The following PTPN14 variants were observed in gnomAD, a reference collection of about 807,000 sequenced individuals.
PTPN14 encodes the protein tyrosine-protein phosphatase non-receptor type 14.
Under a neutral mutation model 126.8 loss-of-function variants are expected in PTPN14, and 53 were observed. The ratio of observed to expected loss-of-function variants is 0.42; its 90% confidence interval spans 0.34 to 0.53. The LOEUF is 0.53. Ranked by LOEUF, PTPN14 falls within the 20% of genes least tolerant of loss-of-function variation. The probability of loss-of-function intolerance (pLI) is 0.08; values close to 1 mark genes in which losing one functional copy is unlikely to be tolerated. For synonymous variants in PTPN14, 630 were observed against 599.3 expected, an observed-to-expected ratio of 1.05 and a Z score of -0.75; for missense variants, 1,257 against 1,552.9, an observed-to-expected ratio of 0.81 and a Z score of 3.20.
intron 1 of PTPN14, among the ~76,000 whole-genome samples, chr1:214,534,227 C>T (rs374523944): frequency 1.3e-5 from 2 of 152,160 alleles, no homozygotes; most frequent in East Asian, 3.8e-4. Context: ...GTAACAAGAT[C>T]TACAAGCAAT....
chr1:214,545,601 G>A (rs1045100559), intron 1 of PTPN14, among the ~76,000 whole-genome samples: 2 of 152,282 alleles, frequency 1.3e-5, no homozygotes, highest in East Asian at 1.9e-4. Context: ...TAAGGATGGA[G>A]GGAAAGGAGC....
At chr1:214,370,117 A>G (rs1658181879) in intron 16 of PTPN14, among the ~76,000 whole-genome samples, 1 of 152,128 alleles carries the variant, frequency 6.6e-6, no homozygotes, top group Admixed American at 6.5e-5. Context: ...CATCTCTACT[A>G]AAAATACAAA....
intron 2 of PTPN14, among the ~76,000 whole-genome samples, chr1:214,462,591 C>A (rs1660537514): frequency 6.6e-6 from 1 of 152,244 alleles, no homozygotes. Flanking sequence ...AACTCTTTCA[C>A]TCTCACCAGC....
chr1:214,464,333 T>A (rs999694602), intron 2 of PTPN14, among the ~76,000 whole-genome samples: 1 of 151,870 alleles, frequency 6.6e-6, no homozygotes, highest in Non-Finnish European at 1.5e-5. Context: ...AGAGAGAAGA[T>A]GACTTTGGTG....
intron 1 of PTPN14, among the ~76,000 whole-genome samples, chr1:214,496,790 T>C (rs1654527365): frequency 6.6e-6 from 1 of 152,172 alleles, no homozygotes; most frequent in Admixed American, 6.5e-5. Context: ...TTGATCTATA[T>C]TCCACAGAAC....
intron 8 of PTPN14, 131 bp from the exon 9 acceptor site, chr1:214,395,117 GTTCT>G (rs1571971849): frequency 2.4e-6 from 2 of 828,132 alleles, no homozygotes; most frequent in Non-Finnish European, 4.0e-6. Flanking sequence ...TAAGTGAAAT[GTTCT>G]TTCAAACGAG....
intron 1 of PTPN14, among the ~76,000 whole-genome samples, chr1:214,500,826 G>A (rs899249929): frequency 6.6e-6 from 1 of 152,140 alleles, no homozygotes; most frequent in African/African-American, 2.4e-5. Flanking sequence ...AACATCTGTG[G>A]GGCATGTGGA....
chr1:214,531,896 T>C (rs1247017245), intron 1 of PTPN14: 1 of 152,250 alleles, frequency 6.6e-6, no homozygotes. Context: ...CTGAAAACCA[T>C]GGAATTAAAG....
chr1:214,384,000 G>A lies in PTPN14; in HGVS notation c.1855C>T (p.Gln619Ter). 1 of 1,608,512 alleles carries A rather than the reference G, an allele frequency of 6.2e-7. No homozygotes were observed. Among genetic ancestry groups the A allele is most frequent in the Non-Finnish European group, 8.5e-7 (1 of 1,179,602 alleles). Residue 619 changes from glutamine to a stop codon, truncating the protein, a stop_gained, in exon 13 of 19, where the codon CAG becomes TAG. Transcript: ENST00000366956. LOFTEE classifies it high-confidence loss of function. This position sits in a 1 kb window ranked among gnomAD's most constrained non-coding sequence, Gnocchi z 4.4. ...GGCTCGCTCACCTCCTGGAGAGACT[G>A]ATGAACCACCGGAGAGCTGTCCTCT... ...FQEDSSPVVHQSLQEVSEPLT... is the reference protein window; with the variant it reads ...FQEDSSPVVH
intron 1 of PTPN14, among the ~76,000 whole-genome samples, chr1:214,484,216 C>T (rs1194850272): frequency 6.6e-6 from 1 of 152,156 alleles, no homozygotes; most frequent in Non-Finnish European, 1.5e-5. Context: ...CCAGCCTGAT[C>T]AACACAGTAT....
intron 6 of PTPN14, 95 bp from the exon 7 acceptor site, chr1:214,401,867 C>T: frequency 9.8e-7 from 1 of 1,022,594 alleles, no homozygotes; most frequent in Non-Finnish European, 1.5e-6. Context: ...TGTGGTTTAG[C>T]TCTAGTTTCT....
chr1:214,548,251 G>A (rs1387205849), intron 1 of PTPN14, among the ~76,000 whole-genome samples: 1 of 152,108 alleles, frequency 6.6e-6, no homozygotes, highest in Non-Finnish European at 1.5e-5. Context: ...CCCAAACCTG[G>A]ACCGCCTGCT....
chr1:214,364,458 G>T lies in PTPN14; in HGVS notation c.3435+54C>A, dbSNP rs1658026601. 4.4e-6 allele frequency: 7 copies of T among 1,590,482 alleles called. No individual in the cohort carries two copies. The highest frequency in any genetic ancestry group is 6.0e-6 in the Non-Finnish European group (7 of 1,166,374). On this transcript the variant is annotated intron_variant, in intron 18 of 18. Transcript: ENST00000366956. This position sits in a 1 kb window ranked among gnomAD's most constrained non-coding sequence, Gnocchi z 4.1. ...GGGTGCAGGCAAAGGTTTGGCCAGGGTGTAGACTTGTCCCCAAGGTGGAGT... is the reference window on the plus strand; with the variant it reads ...GGGTGCAGGCAAAGGTTTGGCCAGGTTGTAGACTTGTCCCCAAGGTGGAGT...
intron 4 of PTPN14, 66 bp from the exon 5 acceptor site, chr1:214,411,817 G>A (rs1412506465): frequency 2.0e-6 from 2 of 993,356 alleles, no homozygotes; most frequent in African/African-American, 3.3e-5. Context: ...ATAAAATAGG[G>A]CAAACTCATC....
chr1:214,502,699 T>C (rs1654736990), intron 1 of PTPN14, among the ~76,000 whole-genome samples: 1 of 152,120 alleles, frequency 6.6e-6, no homozygotes, highest in Admixed American at 6.5e-5. Context: ...GAAAAAATGT[T>C]GAAGACTTGG....
chr1:214,514,882 T>C (rs1032470133), intron 1 of PTPN14, among the ~76,000 whole-genome samples: 1 of 152,146 alleles, frequency 6.6e-6, no homozygotes, highest in African/African-American at 2.4e-5. Flanking sequence ...AAACCCAGCA[T>C]GTGGACCAGA....
At chr1:214,361,397 G>T (rs1657952869) in intron 18 of PTPN14, among the ~76,000 whole-genome samples, 1 of 152,134 alleles carries the variant, frequency 6.6e-6, no homozygotes, top group South Asian at 2.1e-4. Flanking sequence ...GAGCCTAAAT[G>T]ACAGTATATT....
intron 3 of PTPN14, among the ~76,000 whole-genome samples, chr1:214,442,644 A>G (rs1345290184): frequency 1.3e-5 from 2 of 152,176 alleles, no homozygotes; most frequent in African/African-American, 4.8e-5. Context: ...ACAAAAGAAC[A>G]CTGATTTATT....
At chr1:214,494,874 A>G (rs1341895762) in intron 1 of PTPN14, among the ~76,000 whole-genome samples, 2 of 152,230 alleles carry the variant, frequency 1.3e-5, no homozygotes, top group Non-Finnish European at 2.9e-5. Context: ...ACCACGTGTC[A>G]TCTTCACCAC....
Sources: gnomAD v4.1 joint callset for allele counts (sites outside exome capture counted in the v4.1 genomes callset) on GRCh38, gnomAD v4.1.1 for gene constraint, Gnocchi (gnomAD v3.1) non-coding constraint, MANE v1.5 for transcripts, NCBI Gene and HGNC (gene_info 2026-07-23, HGNC 2026-07-21) for gene names.